The following KANSL1 variants were observed in gnomAD, a reference collection of about 807,000 sequenced individuals.
The protein encoded by KANSL1 is MLL1/MLL complex subunit KANSL1.
KANSL1 carries 22 observed loss-of-function variants against 103.6 expected under a neutral mutation model. That is an observed-to-expected ratio of 0.21 (90% CI 0.15 to 0.30). The LOEUF (loss-of-function observed/expected upper bound fraction) is 0.30. Ranked by LOEUF, KANSL1 falls within the 10% of genes least tolerant of loss-of-function variation. The pLI, the probability that KANSL1 is intolerant of heterozygous loss-of-function variation, is 1.00. For missense variants in KANSL1, 1,337 were observed against 1,399.8 expected (o/e 0.96, Z 0.72); for synonymous variants, 600 against 527.6 (o/e 1.14, Z -1.88).
intron 6 of KANSL1, among the ~76,000 whole-genome samples, chr17:46,057,651 A>G (rs920857075): frequency 1.3e-5 from 2 of 152,188 alleles, no homozygotes; most frequent in African/African-American, 4.8e-5. Flanking sequence ...CGTTTCTACT[A>G]GTTTTCAAGA....
At chr17:46,114,655 T>TACA (rs1445576829) in intron 2 of KANSL1, among the ~76,000 whole-genome samples, 2 of 152,238 alleles carry the variant, frequency 1.3e-5, no homozygotes, top group African/African-American at 2.4e-5. Context: ...TAAAGACATA[T>TACA]ACACTCTTGA....
chr17:46,051,915 A>G (rs182047274), intron 6 of KANSL1, among the ~76,000 whole-genome samples: 2 of 152,350 alleles, frequency 1.3e-5, no homozygotes, highest in African/African-American at 4.8e-5. Flanking sequence ...GCACGCAAAT[A>G]AAGTCTTTTA....
chr17:46,109,092 G>T (rs903842254), intron 2 of KANSL1, among the ~76,000 whole-genome samples: 3 of 152,166 alleles, frequency 2.0e-5, no homozygotes, highest in Non-Finnish European at 4.4e-5. Flanking sequence ...TGGGACCTCA[G>T]ATGTGCACCA....
At chr17:46,061,549 T>C (rs1334785586) in intron 6 of KANSL1, among the ~76,000 whole-genome samples, 2 of 152,170 alleles carry the variant, frequency 1.3e-5, no homozygotes, top group Non-Finnish European at 2.9e-5. Context: ...CAATATAGGC[T>C]ATTCAGTAAT....
At chr17:46,188,732 AAAT>A (rs1354871722) in intron 1 of KANSL1, among the ~76,000 whole-genome samples, 3 of 152,316 alleles carry the variant, frequency 2.0e-5, no homozygotes, top group African/African-American at 4.8e-5. Flanking sequence ...TTAAAACTCT[AAAT>A]AAGACAAGCA....
upstream of KANSL1, among the ~76,000 whole-genome samples, chr17:46,198,377 C>T (rs965195731): frequency 7.5e-6 from 1 of 132,778 alleles, no homozygotes; most frequent in Non-Finnish European, 1.6e-5. Flanking sequence ...TTTCCTAATT[C>T]AAACTTCAAA....
At chr17:46,182,167 G>A (rs1015116604) in intron 1 of KANSL1, among the ~76,000 whole-genome samples, 1 of 152,166 alleles carries the variant, frequency 6.6e-6, no homozygotes, top group African/African-American at 2.4e-5. Flanking sequence ...CTGGACTAGA[G>A]AAGTCAAAAA....
At chr17:46,153,643 C>T (rs981687567) in intron 2 of KANSL1, among the ~76,000 whole-genome samples, 2 of 152,194 alleles carry the variant, frequency 1.3e-5, no homozygotes, top group African/African-American at 4.8e-5. Flanking sequence ...TTAAAGATTT[C>T]ATGAACCATC....
intron 4 of KANSL1, among the ~76,000 whole-genome samples, chr17:46,068,710 G>C (rs1489452386): frequency 6.6e-6 from 1 of 152,044 alleles, no homozygotes; most frequent in Non-Finnish European, 1.5e-5. Flanking sequence ...AATATGTTTA[G>C]AATATAAAAT....
chr17:46,155,101 T>A (rs2045344738), intron 2 of KANSL1, among the ~76,000 whole-genome samples: 1 of 152,032 alleles, frequency 6.6e-6, no homozygotes, highest in Non-Finnish European at 1.5e-5. Context: ...GTAGCATCCT[T>A]TCCCCCTCAA....
chr17:46,208,002 T>G (rs2048029609), intron 1 of KANSL1, among the ~76,000 whole-genome samples: 1 of 151,620 alleles, frequency 6.6e-6, no homozygotes, highest in Non-Finnish European at 1.5e-5. Flanking sequence ...TACCAGCTAC[T>G]GGGGAAGCTG....
At chr17:46,104,403 T>C (rs554441210) in intron 2 of KANSL1, among the ~76,000 whole-genome samples, 5 of 152,356 alleles carry the variant, frequency 3.3e-5, no homozygotes, top group African/African-American at 9.6e-5. Context: ...CAATTCACTC[T>C]TTGTCCTCTT....
At position 46,094,700 on chromosome 17, in the gene KANSL1, T is replaced by C; in HGVS notation, c.1291A>G (p.Arg431Gly). The C allele has an allele frequency of 1.9e-6, 3 of 1,614,124 alleles. No individual in the cohort carries two copies. Among genetic ancestry groups the C allele is most frequent in the Non-Finnish European group, 2.5e-6 (3 of 1,180,034 alleles). The change falls in exon 3 of 15, where the codon AGA becomes GGA. Residue 431 changes from arginine (R) to glycine (G), a missense_variant and splice_region_variant. Transcript: ENST00000432791. ...GCCCATTTCCATTCTGACCTGCGTC[T>C]CCTAAAAGGAAATAAACTGAGTGAA... ...ADPEQRHVPL[R>G]RRSEWKWAAD...
rs2077009798 is a variant in KANSL1 at position 46,031,619 on chromosome 17, G to C, written c.3175C>G (p.Arg1059Gly). Residue 1059 changes from arginine (R) to glycine (G), a missense_variant, in exon 15 of 15, where the codon CGA becomes GGA. This residue lies in a region of KANSL1 where 780 missense variants were observed against 923.4 expected (regional missense o/e 0.84). Transcript: ENST00000432791. ...GTGCGTCGAGTGCAGCGGGCTGCTC[G>C]CTCCTGTGCATCCAGCTGGTCCTCA... is the stretch of plus-strand genomic sequence containing the variant. ...ECEDQLDAQE[R>G]AARCTRRTSG... 1 of 1,614,042 alleles carries C rather than the reference G, an allele frequency of 6.2e-7. No individual in the cohort carries two copies.
intron 1 of KANSL1, among the ~76,000 whole-genome samples, chr17:46,185,484 G>A (rs1297516134): frequency 3.9e-5 from 6 of 152,050 alleles, no homozygotes; most frequent in Non-Finnish European, 7.3e-5. Flanking sequence ...AATCACAAAT[G>A]TAATTGCTCA....
chr17:46,103,821 T>C (rs558724154), intron 2 of KANSL1, among the ~76,000 whole-genome samples: 5 of 151,952 alleles, frequency 3.3e-5, no homozygotes, highest in Admixed American at 2.6e-4. Flanking sequence ...AGATCAGGAG[T>C]TCAAGACCAG....
intron 2 of KANSL1, among the ~76,000 whole-genome samples, chr17:46,153,345 A>G (rs999570204): frequency 6.6e-6 from 1 of 152,246 alleles, no homozygotes; most frequent in Non-Finnish European, 1.5e-5. Flanking sequence ...TTAGCTTTCT[A>G]TGTCGTTTTA....
chr17:46,096,955 G>A (rs2042114951), intron 2 of KANSL1, among the ~76,000 whole-genome samples: 2 of 152,112 alleles, frequency 1.3e-5, no homozygotes, highest in East Asian at 1.9e-4. Flanking sequence ...TGTGGAGATG[G>A]GGTCTTGCTA....
intron 2 of KANSL1, among the ~76,000 whole-genome samples, chr17:46,105,630 A>AAAAAC (rs2042501618): frequency 1.3e-5 from 2 of 151,954 alleles, no homozygotes; most frequent in African/African-American, 2.4e-5. Flanking sequence ...AAACAAAAAC[A>AAAAAC]AAAAACCCCA....
Sources: allele counts gnomAD v4.1 joint callset (sites outside exome capture counted in the v4.1 genomes callset), GRCh38; gene constraint gnomAD v4.1.1; regional missense constraint gnomAD v4.1.1; transcripts MANE v1.5; gene names NCBI Gene and HGNC (gene_info 2026-07-23, HGNC 2026-07-21).